CDH18: variants seen among roughly 807,000 people sequenced by gnomAD.
The protein encoded by CDH18 is cadherin 18, also known as cadherin-18.
In CDH18, 31 loss-of-function variants were observed where a neutral mutation model predicts 67.9. The ratio of observed to expected loss-of-function variants is 0.46; its 90% CI spans 0.34 to 0.62. CDH18 has a LOEUF of 0.62. Among genes scored for constraint, CDH18 ranks in the 20% least tolerant of loss-of-function variants. The pLI is 0.01. For synonymous variants in CDH18, 362 were observed against 347.2 expected (o/e 1.04, Z -0.48); for missense variants, 890 against 975.5 (o/e 0.91, Z 1.17).
At chr5:19,584,226 T>G (rs1411890347) in intron 7 of CDH18, among the ~76,000 whole-genome samples, 2 of 152,136 alleles carry the variant, frequency 1.3e-5, no homozygotes, top group Non-Finnish European at 2.9e-5. Flanking sequence ...ATGAAAGTTA[T>G]CAAAGTGTAT....
chr5:20,462,849 G>A (rs1751367706), intron 1 of CDH18, among the ~76,000 whole-genome samples: 1 of 152,068 alleles, frequency 6.6e-6, no homozygotes, highest in South Asian at 2.1e-4. Flanking sequence ...AAGTAAGCTG[G>A]CTCCATGTCA....
chr5:19,790,938 T>C (rs1388440388), intron 3 of CDH18, among the ~76,000 whole-genome samples: 1 of 151,998 alleles, frequency 6.6e-6, no homozygotes, highest in Admixed American at 6.6e-5. Context: ...GAAGGAGGTG[T>C]CAAGAACGAT....
chr5:19,489,484 T>C (rs963903906), intron 11 of CDH18, among the ~76,000 whole-genome samples: 1 of 152,038 alleles, frequency 6.6e-6, no homozygotes, highest in African/African-American at 2.4e-5. Context: ...CCTGACCTTG[T>C]GATCTGCCCC....
chr5:19,938,558 T>C lies in CDH18; in HGVS notation c.-257+42502A>G, dbSNP rs1007084915. On this transcript the variant is annotated intron_variant, in intron 2 of 12. Transcript: ENST00000382275. ...TATGTCATCAGAAATTTCATGAATA[T>C]GACTTGTTATTCTTCTTATTCATAT... Among the ~76,000 whole-genome samples, 19 of 151,620 alleles carry C rather than the reference T, an allele frequency of 1.3e-4. No homozygotes were observed. In the East Asian group the frequency reaches 2.9e-3, roughly 23 times the overall value.
intron 2 of CDH18, among the ~76,000 whole-genome samples, chr5:20,030,398 G>A (rs1004720945): frequency 2.0e-5 from 3 of 152,142 alleles, no homozygotes; most frequent in Non-Finnish European, 2.9e-5. Context: ...ATAATCCTAA[G>A]ATATTTCATG....
intron 9 of CDH18, among the ~76,000 whole-genome samples, chr5:19,523,805 T>C (rs1747313843): frequency 6.6e-6 from 1 of 152,094 alleles, no homozygotes; most frequent in South Asian, 2.1e-4. Context: ...CTCTTGAATA[T>C]ACATACTATC....
intron 1 of CDH18, among the ~76,000 whole-genome samples, chr5:20,346,476 C>T (rs1195643166): frequency 6.6e-6 from 1 of 152,142 alleles, no homozygotes; most frequent in African/African-American, 2.4e-5. Context: ...CTGTCCCAAA[C>T]TGTACATTCA....
intron 1 of CDH18, among the ~76,000 whole-genome samples, chr5:20,494,338 A>C (rs1299504739): frequency 6.6e-6 from 1 of 152,178 alleles, no homozygotes; most frequent in Non-Finnish European, 1.5e-5. Context: ...ATAAGAGAAG[A>C]AGCAGTAATG....
intron 2 of CDH18, among the ~76,000 whole-genome samples, chr5:19,932,577 C>CAT (rs901606337): frequency 5.3e-5 from 8 of 151,176 alleles, no homozygotes; most frequent in Non-Finnish European, 1.0e-4. Flanking sequence ...AATACACACA[C>CAT]CTTGAATTTA....
chr5:19,520,948 C>T (rs1180075109), intron 9 of CDH18, among the ~76,000 whole-genome samples, 170 bp from the exon 10 acceptor site: 5 of 152,078 alleles, frequency 3.3e-5, no homozygotes, highest in Non-Finnish European at 5.9e-5. Context: ...CATTAACTTA[C>T]AGGAAAATGA....
chr5:19,663,017 G>A (rs1158587205), intron 5 of CDH18, among the ~76,000 whole-genome samples: 4 of 151,850 alleles, frequency 2.6e-5, no homozygotes, highest in Admixed American at 6.6e-5. Flanking sequence ...ATGAGAAAAC[G>A]TCACATTAAA....
At chr5:20,091,703 A>G (rs918164986) in intron 2 of CDH18, among the ~76,000 whole-genome samples, 4 of 152,110 alleles carry the variant, frequency 2.6e-5, no homozygotes, top group African/African-American at 9.7e-5. Context: ...ATTAACTTAT[A>G]AATAAATACT....
At chr5:20,217,861 G>A (rs1368308664) in intron 2 of CDH18, among the ~76,000 whole-genome samples, 4 of 151,856 alleles carry the variant, frequency 2.6e-5, no homozygotes, top group Non-Finnish European at 5.9e-5. Context: ...AGCACGAGTT[G>A]CTCTACTTAT....
At chr5:19,967,643 T>C (rs1053175325) in intron 2 of CDH18, among the ~76,000 whole-genome samples, 12 of 152,082 alleles carry the variant, frequency 7.9e-5, no homozygotes. Context: ...ATTTACATCA[T>C]AAGGAACACT....
At chr5:19,968,962 T>A in intron 2 of CDH18, among the ~76,000 whole-genome samples, 1 of 132,630 alleles carries the variant, frequency 7.5e-6, no homozygotes, top group East Asian at 2.1e-4. Context: ...AGGGCTAGTA[T>A]CCAGAATCTA....
At chr5:19,862,813 A>G (rs182640212) in intron 2 of CDH18, among the ~76,000 whole-genome samples, 11 of 152,318 alleles carry the variant, frequency 7.2e-5, no homozygotes, top group Admixed American at 7.2e-4. Flanking sequence ...GTGGGATTTT[A>G]TTTTTTAAAT....
At chr5:20,048,813 G>C (rs1239140016) in intron 2 of CDH18, among the ~76,000 whole-genome samples, 1 of 151,494 alleles carries the variant, frequency 6.6e-6, no homozygotes, top group East Asian at 1.9e-4. Context: ...CTTTTATCTA[G>C]TAGGTTTTAA....
chr5:19,787,781 G>T (rs1201985375), intron 3 of CDH18, among the ~76,000 whole-genome samples: 1 of 147,404 alleles, frequency 6.8e-6, no homozygotes, highest in Non-Finnish European at 1.5e-5. Context: ...CCAGCACCAA[G>T]TGTCCAATGA....
At chr5:19,878,617 T>G (rs529350584) in intron 2 of CDH18, among the ~76,000 whole-genome samples, 30 of 152,124 alleles carry the variant, frequency 2.0e-4, no homozygotes, top group African/African-American at 6.7e-4. Context: ...TCTCATTCTC[T>G]CATTTAAGGC....
Sources: allele counts gnomAD v4.1 joint callset (sites outside exome capture counted in the v4.1 genomes callset), GRCh38; gene constraint gnomAD v4.1.1; transcripts MANE v1.5; gene names NCBI Gene and HGNC (gene_info 2026-07-23, HGNC 2026-07-21).